The following FUT9 variants were observed in gnomAD, a reference collection of about 807,000 sequenced individuals.
FUT9 encodes the protein 4-galactosyl-N-acetylglucosaminide 3-alpha-L-fucosyltransferase 9.
FUT9 carries 15 observed loss-of-function variants against 29.7 expected under a neutral mutation model. The observed-to-expected ratio is 0.51, with a 90% CI of 0.34 to 0.78. FUT9 has a LOEUF of 0.78. Among genes scored for constraint, FUT9 ranks in the 30% least tolerant of loss-of-function variants. The pLI is 0.01. For synonymous variants in FUT9, 169 were observed against 153.7 expected, an observed-to-expected ratio of 1.10 and a Z score of -0.74; for missense variants, 319 against 425.4, an observed-to-expected ratio of 0.75 and a Z score of 2.20.
chr6:96,212,139 C>T lies in FUT9; in HGVS notation c.*7904C>T, dbSNP rs979997442. On this transcript the variant is annotated 3_prime_UTR_variant, in exon 3 of 3. Transcript: ENST00000302103. Reference sequence around the variant, plus strand: ...GTATCCAAAGGCTAAATTAACAACCCAGGACTACCACTCATTATGTGAGAA... The same window carrying T: ...GTATCCAAAGGCTAAATTAACAACCTAGGACTACCACTCATTATGTGAGAA... 1 of 412,540 alleles carries T rather than the reference C, an allele frequency of 2.4e-6. No homozygotes were observed. Among genetic ancestry groups the T allele is most frequent in the Non-Finnish European group, 4.4e-6 (1 of 225,618 alleles). 25.6% of individuals were successfully genotyped at this position (412,540 alleles called of 1,614,324 possible).
intron 2 of FUT9, among the ~76,000 whole-genome samples, chr6:96,159,856 G>A (rs9377447): frequency 0.17 from 26,083 of 152,044 alleles, 2,483 homozygotes; most frequent in Admixed American, 0.25. Context: ...CTGCATCACT[G>A]ATCCATGCTT....
chr6:96,184,871 G>A (rs1034855202), intron 2 of FUT9, among the ~76,000 whole-genome samples: 2 of 151,920 alleles, frequency 1.3e-5, no homozygotes, highest in Non-Finnish European at 2.9e-5. Flanking sequence ...ACATTCCCTA[G>A]TGAGCCATGT....
chr6:96,037,677 GA>G (rs5878412), intron 1 of FUT9, among the ~76,000 whole-genome samples: 68,246 of 135,886 alleles, frequency 0.5, 15,411 homozygotes, highest in African/African-American at 0.55. Context: ...TCATTAGTGT[GA>G]AAAAAAAATT....
Position 96,211,924 on chromosome 6 carries a change from G to A in FUT9, c.*7689G>A, listed in dbSNP as rs1258973669. On this transcript the variant is annotated 3_prime_UTR_variant, in exon 3 of 3. Coordinates refer to ENST00000302103, the MANE Select transcript of FUT9 (RefSeq NM_006581.4). ...AACCAAACAATTTTGAATTAGTTGT[G>A]TAAGTAAAGTAAGTTAAGTTATAGC... is the stretch of plus-strand genomic sequence containing the variant. 2.5e-6 allele frequency: 1 copy of A among 406,934 alleles called. No homozygotes were observed. The highest frequency in any genetic ancestry group is 4.5e-6 in the Non-Finnish European group (1 of 222,344). 25.2% of individuals were successfully genotyped at this position (406,934 alleles called of 1,614,324 possible).
In FUT9 at chr6:96,212,532, AG is replaced by A; in HGVS notation, c.*8300del. 2.5e-6 allele frequency: 1 copy of A among 405,318 alleles called. No individual in the cohort carries two copies. Among genetic ancestry groups the A allele is most frequent in the Non-Finnish European group, 4.5e-6 (1 of 221,118 alleles). 25.1% of individuals were successfully genotyped at this position (405,318 alleles called of 1,614,324 possible). A position where few individuals can be genotyped will look rare whatever the true frequency, so the allele number is the denominator to read the frequency against. ...ATTTGAGAACAAGATTTTACTTAGAAGGGAAAAAAAAGAACTTTCAGCTTAA... is the reference window on the plus strand; with the variant it reads ...ATTTGAGAACAAGATTTTACTTAGAAGGAAAAAAAAGAACTTTCAGCTTAA... On this transcript the variant is annotated 3_prime_UTR_variant, in exon 3 of 3. Transcript: ENST00000302103.
intron 1 of FUT9, among the ~76,000 whole-genome samples, chr6:96,029,070 T>C (rs1770216402): frequency 6.6e-6 from 1 of 151,440 alleles, no homozygotes; most frequent in South Asian, 2.1e-4. Context: ...CAAACAAATA[T>C]CTAGGTTTTC....
intron 2 of FUT9, among the ~76,000 whole-genome samples, chr6:96,145,779 G>T (rs1772555231): frequency 6.6e-6 from 1 of 152,200 alleles, no homozygotes; most frequent in African/African-American, 2.4e-5. Context: ...GTACATCTAG[G>T]CAGGGGCTGG....
chr6:96,188,329 C>T (rs1020421668), intron 2 of FUT9, among the ~76,000 whole-genome samples: 18 of 151,842 alleles, frequency 1.2e-4, no homozygotes, highest in East Asian at 1.2e-3. Flanking sequence ...TGCAGTGGCA[C>T]AATCGTAGCT....
intron 2 of FUT9, among the ~76,000 whole-genome samples, chr6:96,125,090 C>T (rs183399660): frequency 6.6e-4 from 101 of 152,240 alleles, no homozygotes; most frequent in Middle Eastern, 3.4e-3. Context: ...AGGGGTCTCA[C>T]CTCCTTTATC....
intron 2 of FUT9, among the ~76,000 whole-genome samples, chr6:96,134,133 T>G (rs1166671699): frequency 6.6e-6 from 1 of 151,796 alleles, no homozygotes; most frequent in Non-Finnish European, 1.5e-5. Context: ...ATAAAATAGT[T>G]TTCTGTTGTA....
At chr6:96,140,920 AC>A (rs1313163365) in intron 2 of FUT9, among the ~76,000 whole-genome samples, 2 of 152,236 alleles carry the variant, frequency 1.3e-5, no homozygotes, top group Non-Finnish European at 2.9e-5. Context: ...AAATGCAGTT[AC>A]ATTTGAATGA....
chr6:96,051,775 A>G (rs118104583), intron 1 of FUT9, among the ~76,000 whole-genome samples: 300 of 152,176 alleles, frequency 2.0e-3, no homozygotes, highest in Non-Finnish European at 3.7e-3. Context: ...CCAATATTAT[A>G]TATTAAATAC....
intron 1 of FUT9, among the ~76,000 whole-genome samples, chr6:96,096,026 T>A (rs1771488926): frequency 6.6e-6 from 1 of 152,304 alleles, no homozygotes; most frequent in East Asian, 1.9e-4. Flanking sequence ...CCTATCTAGC[T>A]GGGATTTCTG....
chr6:96,191,263 A>C (rs979317131), intron 2 of FUT9, among the ~76,000 whole-genome samples: 1 of 152,112 alleles, frequency 6.6e-6, no homozygotes, highest in African/African-American at 2.4e-5. Context: ...GACACAAAAA[A>C]CCCTTCAAAA....
At chr6:96,090,582 T>C (rs866350582) in intron 1 of FUT9, among the ~76,000 whole-genome samples, 10 of 151,724 alleles carry the variant, frequency 6.6e-5, no homozygotes, top group Middle Eastern at 3.5e-3. Flanking sequence ...CAAAAACTGA[T>C]GCTAAGTAAA....
chr6:96,063,665 G>T (rs1341207472), intron 1 of FUT9, among the ~76,000 whole-genome samples: 1 of 152,112 alleles, frequency 6.6e-6, no homozygotes, highest in Admixed American at 6.6e-5. Context: ...TCACTGTTTT[G>T]TGAGATAGAT....
At position 96,158,504 on chromosome 6, in the gene FUT9, G is replaced by A. The variant is rs575631461; in HGVS notation, c.-9+44377G>A. ...ATTTGAATTTATGATTTGACAAGGG[G>A]AGTTATTAACTTCTTTCAGATGGAA... On this transcript the variant is annotated intron_variant, in intron 2 of 2. Transcript: ENST00000302103. Among the ~76,000 whole-genome samples, 8 of 152,036 alleles carry A rather than the reference G, an allele frequency of 5.3e-5. No homozygotes were observed. The South Asian group carries it at 1.5e-3, about 28-fold the overall frequency.
At chr6:96,043,629 A>C (rs1770508102) in intron 1 of FUT9, among the ~76,000 whole-genome samples, 1 of 152,234 alleles carries the variant, frequency 6.6e-6, no homozygotes, top group Non-Finnish European at 1.5e-5. Flanking sequence ...AATTAACAAA[A>C]TTATAATTAT....
chr6:96,099,261 A>G (rs531463223), intron 1 of FUT9, among the ~76,000 whole-genome samples: 2 of 152,250 alleles, frequency 1.3e-5, no homozygotes, highest in East Asian at 1.9e-4. Flanking sequence ...CTCACTTACA[A>G]CATTCTTACT....
Sources: allele counts gnomAD v4.1 joint callset (sites outside exome capture counted in the v4.1 genomes callset), GRCh38; gene constraint gnomAD v4.1.1; transcripts MANE v1.5; gene names NCBI Gene and HGNC (gene_info 2026-07-23, HGNC 2026-07-21).